Variants in GPM6A observed in about 807,000 individuals in gnomAD.
GPM6A encodes the protein glycoprotein M6A.
A neutral mutation model predicts 32.1 loss-of-function variants in GPM6A; 7 were observed. That is an observed-to-expected ratio of 0.22 (90% CI 0.12 to 0.41). The LOEUF (loss-of-function observed/expected upper bound fraction) is 0.41. Among genes scored for constraint, GPM6A ranks in the 10% least tolerant of loss-of-function variants. The pLI is 1.00. For missense variants in GPM6A, 235 were observed against 347.2 expected (o/e 0.68, Z 2.57); for synonymous variants, 130 against 123.4 (o/e 1.05, Z -0.35).
At chr4:175,785,783 G>C (rs1396231270) in intron 1 of GPM6A, among the ~76,000 whole-genome samples, 1 of 152,092 alleles carries the variant, frequency 6.6e-6, no homozygotes, top group Non-Finnish European at 1.5e-5. Context: ...AGACAAATAA[G>C]ATTACTCCCC....
intron 4 of GPM6A, among the ~76,000 whole-genome samples, chr4:175,650,664 C>T (rs948882642): frequency 6.6e-6 from 1 of 152,156 alleles, no homozygotes; most frequent in Non-Finnish European, 1.5e-5. Flanking sequence ...TACACGGGGA[C>T]TGAAGGCTTC....
intron 4 of GPM6A, among the ~76,000 whole-genome samples, chr4:175,651,365 T>G (rs1579342770): frequency 3.4e-5 from 1 of 29,360 alleles, no homozygotes; most frequent in East Asian, 4.3e-4. Context: ...ATTTAGCGTT[T>G]TTTTTTTTGT....
At chr4:175,929,434 T>TC (rs1738954802) in intron 1 of GPM6A, among the ~76,000 whole-genome samples, 1 of 152,184 alleles carries the variant, frequency 6.6e-6, no homozygotes, top group South Asian at 2.1e-4. Flanking sequence ...AAGAATACAT[T>TC]CCCACTGGTG....
chr4:175,820,109 C>T (rs1282987947), intron 1 of GPM6A, among the ~76,000 whole-genome samples: 3 of 152,164 alleles, frequency 2.0e-5, no homozygotes, highest in Non-Finnish European at 4.4e-5. Context: ...AATATGGAGA[C>T]TTTTACTCAG....
chr4:175,950,662 G>T (rs545768952), intron 1 of GPM6A, among the ~76,000 whole-genome samples: 2 of 152,222 alleles, frequency 1.3e-5, no homozygotes, highest in African/African-American at 4.8e-5. Flanking sequence ...GCTATTTTTT[G>T]CTGTGCCTGA....
At chr4:175,683,027 C>G (rs1743774655) in intron 2 of GPM6A, among the ~76,000 whole-genome samples, 1 of 152,308 alleles carries the variant, frequency 6.6e-6, no homozygotes, top group East Asian at 1.9e-4. Context: ...AGCTTGCACT[C>G]TGTGCCTCAA....
intron 1 of GPM6A, among the ~76,000 whole-genome samples, chr4:175,984,552 T>TA (rs1561023148): frequency 6.6e-6 from 1 of 152,148 alleles, no homozygotes; most frequent in African/African-American, 2.4e-5. Flanking sequence ...TCTTAACACT[T>TA]AAAAAAATCC....
chr4:175,836,429 T>C (rs1735770733), intron 1 of GPM6A, among the ~76,000 whole-genome samples: 2 of 152,104 alleles, frequency 1.3e-5, no homozygotes, highest in African/African-American at 4.8e-5. Context: ...GATTACATTC[T>C]TGGACAAATA....
intron 1 of GPM6A, among the ~76,000 whole-genome samples, chr4:175,899,854 C>A (rs1737900668): frequency 6.6e-6 from 1 of 151,824 alleles, no homozygotes; most frequent in Non-Finnish European, 1.5e-5. Context: ...GCAACCAAAG[C>A]AAAAATGGAC....
chr4:175,640,955 A>T, intron 4 of GPM6A, 126 bp from the exon 5 acceptor site: 1 of 639,010 alleles, frequency 1.6e-6, no homozygotes, highest in Non-Finnish European at 2.8e-6. Context: ...GTTACAGTGG[A>T]AAAATAATCT....
At chr4:175,863,343 T>C (rs894145112) in intron 1 of GPM6A, among the ~76,000 whole-genome samples, 1 of 152,140 alleles carries the variant, frequency 6.6e-6, no homozygotes, top group Non-Finnish European at 1.5e-5. Flanking sequence ...CTATGCATAG[T>C]TTTTGTGGAT....
At chr4:175,818,458 G>A (rs367748910) in intron 1 of GPM6A, among the ~76,000 whole-genome samples, 3 of 152,146 alleles carry the variant, frequency 2.0e-5, no homozygotes, top group Non-Finnish European at 4.4e-5. Context: ...TATATATAGA[G>A]AGAGAGTCAG....
At chr4:175,812,332 TTTTTTTTTC>T (rs2111332949), upstream of GPM6A, 2 of 1,351,714 alleles carry the variant, frequency 1.5e-6, no homozygotes, top group African/African-American at 3.4e-5. Context: ...TTTTTTTTTT[TTTTTTTTTC>T]CTGGGAAGCT....
chr4:175,665,090 G>A (rs975512152), intron 3 of GPM6A, among the ~76,000 whole-genome samples: 1 of 152,184 alleles, frequency 6.6e-6, no homozygotes, highest in Admixed American at 6.5e-5. Context: ...CTGACACGTG[G>A]TTCAGCACTG....
chr4:175,835,790 T>C (rs1735751102), intron 1 of GPM6A, among the ~76,000 whole-genome samples: 1 of 147,998 alleles, frequency 6.8e-6, no homozygotes. Flanking sequence ...AAAGCATATA[T>C]AATATATACT....
At chr4:175,825,008 T>C (rs1279809457) in intron 1 of GPM6A, among the ~76,000 whole-genome samples, 1 of 152,234 alleles carries the variant, frequency 6.6e-6, no homozygotes, top group Admixed American at 6.5e-5. Flanking sequence ...AAGATGTCTT[T>C]ATTTAAGTCT....
At chr4:175,949,196 G>T (rs1365157116) in intron 1 of GPM6A, among the ~76,000 whole-genome samples, 1 of 152,116 alleles carries the variant, frequency 6.6e-6, no homozygotes, top group Non-Finnish European at 1.5e-5. Flanking sequence ...TAATTTTAAT[G>T]TTCTTTTTAT....
chr4:175,991,184 G>A (rs1297958391), intron 1 of GPM6A, among the ~76,000 whole-genome samples: 2 of 148,558 alleles, frequency 1.3e-5, no homozygotes, highest in South Asian at 2.1e-4. Flanking sequence ...TCCTGCCTCA[G>A]CCTCCCAAGT....
At chr4:175,684,226 T>C (rs2333256) in intron 2 of GPM6A, among the ~76,000 whole-genome samples, 1 of 152,024 alleles carries the variant, frequency 6.6e-6, no homozygotes, top group Non-Finnish European at 1.5e-5. Context: ...TTACAAATAT[T>C]TTCTTCTAGT....
Sources: gnomAD v4.1 joint callset for allele counts (sites outside exome capture counted in the v4.1 genomes callset) on GRCh38, gnomAD v4.1.1 for gene constraint, MANE v1.5 for transcripts, NCBI Gene and HGNC (gene_info 2026-07-23, HGNC 2026-07-21) for gene names.